The following GRIP1 variants were observed in gnomAD, a reference collection of about 807,000 sequenced individuals.
GRIP1 encodes glutamate receptor interacting protein 1.
GRIP1 carries 45 observed loss-of-function variants against 129.9 expected under a neutral mutation model. That is an observed-to-expected ratio of 0.35 (90% CI 0.27 to 0.44). The LOEUF is 0.44. Ranked by LOEUF, GRIP1 falls within the 20% of genes least tolerant of loss-of-function variation. The pLI is 1.00. For missense variants in GRIP1, 1,196 were observed against 1,396.8 expected, an observed-to-expected ratio of 0.86 and a Z score of 2.29; for synonymous variants, 530 against 520.8, an observed-to-expected ratio of 1.02 and a Z score of -0.24.
At chr12:66,430,831 T>G (rs1207852757) in intron 14 of GRIP1, among the ~76,000 whole-genome samples, 1 of 152,194 alleles carries the variant, frequency 6.6e-6, no homozygotes, top group African/African-American at 2.4e-5. Flanking sequence ...AATAGATGAC[T>G]TCACAATACC....
At chr12:66,539,269 G>C in intron 3 of GRIP1, 46 bp from the exon 4 acceptor site, 1 of 1,612,322 alleles carries the variant, frequency 6.2e-7, no homozygotes, top group Non-Finnish European at 8.5e-7. Flanking sequence ...CCTCTCCATA[G>C]GCCAGTCTGA....
chr12:66,525,117 G>A (rs7958769), intron 5 of GRIP1, among the ~76,000 whole-genome samples: 28,952 of 152,090 alleles, frequency 0.19, 2,833 homozygotes, highest in African/African-American at 0.22. Context: ...AGGAGCTGGT[G>A]CCATTCCTTC....
intron 1 of GRIP1, among the ~76,000 whole-genome samples, chr12:66,925,123 G>A (rs1275543349): frequency 2.0e-5 from 3 of 152,192 alleles, no homozygotes; most frequent in Non-Finnish European, 4.4e-5. Flanking sequence ...TAGGAAGAGA[G>A]TATAAGTAAG....
intron 4 of GRIP1, among the ~76,000 whole-genome samples, chr12:66,530,962 C>T (rs569269319): frequency 2.6e-4 from 40 of 151,660 alleles, no homozygotes; most frequent in African/African-American, 9.2e-4. Context: ...TCAGGCCAGG[C>T]GCGGTGGCTC....
At chr12:66,349,823 A>AATAAG (rs1305504374) in intron 24 of GRIP1, among the ~76,000 whole-genome samples, 1 of 151,620 alleles carries the variant, frequency 6.6e-6, no homozygotes, top group East Asian at 1.9e-4. Flanking sequence ...CTCTACTAAG[A>AATAAG]AAATTTTTTT....
intron 1 of GRIP1, among the ~76,000 whole-genome samples, chr12:66,969,408 T>C (rs1234672572): frequency 6.6e-6 from 1 of 152,148 alleles, no homozygotes; most frequent in African/African-American, 2.4e-5. Flanking sequence ...TCTTCTGTTG[T>C]TTGTTTGGTT....
At chr12:66,491,054 A>G (rs1163839345) in intron 7 of GRIP1, among the ~76,000 whole-genome samples, 1 of 152,188 alleles carries the variant, frequency 6.6e-6, no homozygotes, top group Non-Finnish European at 1.5e-5. Context: ...CAGTGTGGCA[A>G]TTCCTCAAAG....
chr12:67,039,564 A>C (rs948240668), intron 1 of GRIP1, among the ~76,000 whole-genome samples: 3 of 152,178 alleles, frequency 2.0e-5, no homozygotes, highest in African/African-American at 7.2e-5. Flanking sequence ...ATTAAGGCCA[A>C]AAGCTCCATT....
intron 1 of GRIP1, among the ~76,000 whole-genome samples, chr12:67,036,322 C>T (rs1383279651): frequency 6.7e-6 from 1 of 149,752 alleles, no homozygotes; most frequent in Non-Finnish European, 1.5e-5. Flanking sequence ...AATAATAATA[C>T]AGAATAAGGA....
intron 1 of GRIP1, among the ~76,000 whole-genome samples, chr12:66,708,131 T>C (rs573811934): frequency 1.3e-5 from 2 of 152,150 alleles, no homozygotes; most frequent in African/African-American, 4.8e-5. Flanking sequence ...AACTGGTCCA[T>C]AAAATCTCAG....
chr12:66,676,921 G>A (rs980470490), intron 1 of GRIP1, among the ~76,000 whole-genome samples: 4 of 152,154 alleles, frequency 2.6e-5, no homozygotes, highest in Non-Finnish European at 2.9e-5. Flanking sequence ...GAACTTGAAC[G>A]TTGTTGGACA....
chr12:66,738,824 G>A (rs2036695087), intron 1 of GRIP1, among the ~76,000 whole-genome samples: 3 of 152,178 alleles, frequency 2.0e-5, no homozygotes, highest in Non-Finnish European at 2.9e-5. Context: ...TATCCTCCTA[G>A]TGCAATGACA....
At chr12:66,370,663 A>G (rs2137281317) in intron 23 of GRIP1, among the ~76,000 whole-genome samples, 1 of 152,324 alleles carries the variant, frequency 6.6e-6, no homozygotes, top group South Asian at 2.1e-4. Flanking sequence ...GATTGTTACC[A>G]TTTTATACAT....
chr12:66,405,623 T>C (rs1189488942), intron 16 of GRIP1, among the ~76,000 whole-genome samples: 1 of 152,186 alleles, frequency 6.6e-6, no homozygotes, highest in Non-Finnish European at 1.5e-5. Flanking sequence ...CTAAAAAATG[T>C]GTATAGCCCT....
chr12:66,961,935 T>C (rs2041927469), intron 1 of GRIP1, among the ~76,000 whole-genome samples: 1 of 152,202 alleles, frequency 6.6e-6, no homozygotes, highest in Non-Finnish European at 1.5e-5. Context: ...TGGATTTCTA[T>C]GCAGAGTTGC....
At chr12:66,662,281 C>A (rs919524636) in intron 1 of GRIP1, among the ~76,000 whole-genome samples, 3 of 152,070 alleles carry the variant, frequency 2.0e-5, no homozygotes, top group Non-Finnish European at 4.4e-5. Context: ...CTGCTGTAGT[C>A]AAAAATTCTG....
chr12:66,838,875 C>T (rs1332556334), intron 1 of GRIP1, among the ~76,000 whole-genome samples: 1 of 152,138 alleles, frequency 6.6e-6, no homozygotes, highest in Non-Finnish European at 1.5e-5. Context: ...GAGATAAAGG[C>T]AGACTTCTAT....
chr12:66,815,854 T>TTCTTTC lies in GRIP1; in HGVS notation c.59-218928_59-218927insGAAAGA, dbSNP rs1555241802. Among the ~76,000 whole-genome samples, 178 of 116,824 alleles carry TTCTTTC rather than the reference T, an allele frequency of 1.5e-3. 2 individuals are homozygous for TTCTTTC. Among genetic ancestry groups the TTCTTTC allele is most frequent in the Middle Eastern group, 8.2e-3 (2 of 244 alleles). 76.6% of individuals were successfully genotyped at this position (116,824 alleles called of 152,430 possible). ...TTTCTTTCTTTCTTTCTTTCTTTCT[T>TTCTTTC]TCTCTCTCTCTCTCTCTCTCTCTCT... On this transcript the variant is annotated intron_variant, in intron 1 of 1. Coordinates refer to the GRIP1 transcript ENST00000643019.
At chr12:66,768,025 A>G (rs2037700822) in intron 1 of GRIP1, among the ~76,000 whole-genome samples, 1 of 152,202 alleles carries the variant, frequency 6.6e-6, no homozygotes. Context: ...TCACTCCAGC[A>G]ATGAGTAATA....
Sources: gnomAD v4.1 joint callset for allele counts (sites outside exome capture counted in the v4.1 genomes callset) on GRCh38, gnomAD v4.1.1 for gene constraint, MANE v1.5 for transcripts, NCBI Gene and HGNC (gene_info 2026-07-23, HGNC 2026-07-21) for gene names.